The following ANAPC5 variants were observed in gnomAD, a reference collection of about 807,000 sequenced individuals.
ANAPC5 encodes the protein anaphase promoting complex subunit 5.
Under a neutral mutation model 91.3 loss-of-function variants are expected in ANAPC5, and 60 were observed. The ratio of observed to expected loss-of-function variants is 0.66; its 90% CI spans 0.53 to 0.81. The LOEUF is 0.81. ANAPC5 is among the 40% of genes least tolerant of loss of function. The pLI is 0.00. For synonymous variants in ANAPC5, 340 were observed against 364.1 expected, an observed-to-expected ratio of 0.93 and a Z score of 0.75; for missense variants, 690 against 931.5, an observed-to-expected ratio of 0.74 and a Z score of 3.37.
intron 5 of ANAPC5, 28 bp from the exon 6 acceptor site, chr12:121,337,420 GA>G (rs1555273619): frequency 1.3e-6 from 2 of 1,486,168 alleles, no homozygotes; most frequent in South Asian, 2.3e-5. Flanking sequence ...TAACTCAGTA[GA>G]AAGAAAGGGT....
At chr12:121,315,093 A>C (rs1296727698) in intron 15 of ANAPC5, among the ~76,000 whole-genome samples, 1 of 152,212 alleles carries the variant, frequency 6.6e-6, no homozygotes, top group Non-Finnish European at 1.5e-5. Flanking sequence ...AAAAATCCCC[A>C]AAACCTGTTA....
Position 121,350,112 on chromosome 12 carries a change from T to A in ANAPC5, c.207+2022A>T, listed in dbSNP as rs540299514. ...CTGGGAGCCACAAGTTATAAAGACATCCCTTTTATTTAACTGGGTAGGTCT... is the reference window on the plus strand; with the variant it reads ...CTGGGAGCCACAAGTTATAAAGACAACCCTTTTATTTAACTGGGTAGGTCT... On this transcript the variant is annotated intron_variant, in intron 1 of 16. Coordinates refer to ENST00000261819, the MANE Select transcript of ANAPC5 (RefSeq NM_016237.5). Among the ~76,000 whole-genome samples, 251 of 152,290 alleles carry A rather than the reference T, an allele frequency of 1.6e-3. 1 individual carries two copies. The highest frequency in any genetic ancestry group is 2.9e-3 in the Non-Finnish European group (195 of 68,022).
intron 7 of ANAPC5, chr12:121,332,518 T>G (rs7971785): frequency 0.8 from 121,178 of 152,004 alleles, 51,905 homozygotes; most frequent in Non-Finnish European, 0.96. Flanking sequence ...ATCTGAGATA[T>G]TACAACTATG....
intron 11 of ANAPC5, among the ~76,000 whole-genome samples, chr12:121,324,518 T>C (rs1303568962): frequency 6.6e-6 from 1 of 152,066 alleles, no homozygotes; most frequent in Non-Finnish European, 1.5e-5. Flanking sequence ...CCAAAGAGCA[T>C]GGTTACTTTT....
Position 121,320,597 on chromosome 12 carries a change from T to C in ANAPC5, c.1441-138A>G, listed in dbSNP as rs1032154239. 3.1e-5 allele frequency: 18 copies of C among 588,736 alleles called. No individual in the cohort carries two copies. The African/African-American group carries it at 3.4e-4, about 11-fold the overall frequency. 36.5% of individuals were successfully genotyped at this position (588,736 alleles called of 1,614,324 possible). On this transcript the variant is annotated intron_variant, in intron 11 of 16. Coordinates refer to ENST00000261819, the MANE Select transcript of ANAPC5 (RefSeq NM_016237.5). ...GAGAGATACTGGTCAGAGACTCAAA[T>C]TTCTTTTCTTTCTTTTTTTTTTTTG...
intron 5 of ANAPC5, among the ~76,000 whole-genome samples, chr12:121,339,441 G>A (rs1903361075): frequency 6.6e-6 from 1 of 151,960 alleles, no homozygotes; most frequent in Non-Finnish European, 1.5e-5. Context: ...TGGAGCCCAA[G>A]AACACCTTTG....
chr12:121,312,005 T>C (rs1300483655), intron 15 of ANAPC5, among the ~76,000 whole-genome samples: 7 of 152,262 alleles, frequency 4.6e-5, no homozygotes, highest in South Asian at 2.1e-4. Context: ...CACCCAATGA[T>C]ACATCAGAAT....
intron 11 of ANAPC5, among the ~76,000 whole-genome samples, chr12:121,323,531 C>A (rs1902699338): frequency 6.6e-6 from 1 of 152,022 alleles, no homozygotes; most frequent in Non-Finnish European, 1.5e-5. Flanking sequence ...GGGGTTTCAC[C>A]ATGTTGCATA....
upstream of ANAPC5, among the ~76,000 whole-genome samples, chr12:121,352,715 T>TGGTGGTGGTGGTGG (rs1555275616): frequency 4.2e-4 from 13 of 30,662 alleles, no homozygotes; most frequent in South Asian, 3.0e-3. Context: ...TTGGTTGTTG[T>TGGTGGTGGTGGTGG]TGTTGGTGGT....
At chr12:121,316,504 TG>T (rs762193964) in intron 15 of ANAPC5, among the ~76,000 whole-genome samples, 5 of 151,718 alleles carry the variant, frequency 3.3e-5, no homozygotes, top group African/African-American at 4.8e-5. Context: ...GAGGCCGAGG[TG>T]GGCGGATCAC....
intron 15 of ANAPC5, among the ~76,000 whole-genome samples, chr12:121,314,333 C>T (rs1902273198): frequency 6.6e-6 from 1 of 152,038 alleles, no homozygotes; most frequent in African/African-American, 2.4e-5. Flanking sequence ...TGGGAGACAG[C>T]CTGGGAGACA....
chr12:121,320,324 T>C lies in ANAPC5; in HGVS notation c.1515+61A>G, dbSNP rs1351152216. The stretch of plus-strand genomic sequence containing the variant: ...TGAGGGGAGATTATGTCCCACTTTA[T>C]ATTATAATAAAAGCTATTTTTATCA... On this transcript the variant is annotated intron_variant, in intron 12 of 16. Transcript: ENST00000261819. 2.0e-6 allele frequency: 3 copies of C among 1,523,508 alleles called. No homozygotes were observed. The East Asian group carries it at 6.8e-5, about 35-fold the overall frequency. 94.4% of individuals were successfully genotyped at this position (1,523,508 alleles called of 1,614,324 possible). A position where few individuals can be genotyped will look rare whatever the true frequency, so the allele number is the denominator to read the frequency against.
At chr12:121,345,069 G>A (rs1771586315) in intron 4 of ANAPC5, among the ~76,000 whole-genome samples, 1 of 152,168 alleles carries the variant, frequency 6.6e-6, no homozygotes, top group Admixed American at 6.5e-5. Flanking sequence ...TTAGACTCCA[G>A]GGGTAGCAGT....
chr12:121,327,185 G>C lies in ANAPC5; in HGVS notation c.1351C>G (p.Leu451Val), dbSNP rs781870840. The C allele has an allele frequency of 4.3e-6, 7 of 1,613,504 alleles. No homozygotes were observed. The African/African-American group carries it at 9.3e-5, about 22-fold the overall frequency. ...QAQMLLSMNSLEAVNAGVQQN... is the reference protein window; with the variant it reads ...QAQMLLSMNSVEAVNAGVQQN... ...TGCACGCCCGCATTCACCGCCTCCA[G>C]GCTGTTCATGCTCAGCAACATCTGG... The change falls in exon 11 of 17, where the codon CTG (leucine) becomes GTG (valine). Residue 451 changes from leucine to valine, a missense_variant. Coordinates refer to ENST00000261819, the MANE Select transcript of ANAPC5 (RefSeq NM_016237.5).
chr12:121,341,821 G>A (rs1156832446), intron 5 of ANAPC5, among the ~76,000 whole-genome samples, 182 bp downstream of exon 5: 1 of 152,096 alleles, frequency 6.6e-6, no homozygotes, highest in East Asian at 1.9e-4. Flanking sequence ...ACACAAAATA[G>A]GAAGGGGCAC....
At chr12:121,346,409 AAG>A in intron 3 of ANAPC5, 5 of 187,830 alleles carry the variant, frequency 2.7e-5, no homozygotes, top group Non-Finnish European at 5.4e-5. Context: ...GGCACATAGG[AAG>A]AGAGAGAGAA....
intron 1 of ANAPC5, among the ~76,000 whole-genome samples, chr12:121,349,968 C>T (rs561553224): frequency 6.6e-6 from 1 of 152,204 alleles, no homozygotes; most frequent in African/African-American, 2.4e-5. Flanking sequence ...ACCTCAGCCT[C>T]CCAAAGTGCC....
At chr12:121,318,454 G>A in intron 14 of ANAPC5, 30 bp from the exon 15 acceptor site, 1 of 1,611,368 alleles carries the variant, frequency 6.2e-7, no homozygotes, top group Non-Finnish European at 8.5e-7. Context: ...CACAGGATGA[G>A]AAGATCCACC....
At chr12:121,344,318 C>T (rs1449637429) in intron 4 of ANAPC5, among the ~76,000 whole-genome samples, 1 of 152,128 alleles carries the variant, frequency 6.6e-6, no homozygotes, top group Non-Finnish European at 1.5e-5. Flanking sequence ...GTGGCTCACG[C>T]CTGTAATCCC....
Sources: allele counts gnomAD v4.1 joint callset (sites outside exome capture counted in the v4.1 genomes callset), GRCh38; gene constraint gnomAD v4.1.1; transcripts MANE v1.5; gene names NCBI Gene and HGNC (gene_info 2026-07-23, HGNC 2026-07-21).